The following SDCCAG8 variants were observed in gnomAD, a reference collection of about 807,000 sequenced individuals.
SDCCAG8 encodes SHH signaling and ciliogenesis regulator SDCCAG8, also known as serologically defined colon cancer antigen 8.
A neutral mutation model predicts 101.8 loss-of-function variants in SDCCAG8; 74 were observed. The observed-to-expected ratio is 0.73, with a 90% CI of 0.60 to 0.88. SDCCAG8 has a LOEUF of 0.88. Among genes scored for constraint, SDCCAG8 ranks in the 40% least tolerant of loss-of-function variants. The probability of loss-of-function intolerance (pLI) is 0.00; values close to 1 mark genes in which losing one functional copy is unlikely to be tolerated. For synonymous variants in SDCCAG8, 281 were observed against 292.9 expected (o/e 0.96, Z 0.41); for missense variants, 787 against 822.6 (o/e 0.96, Z 0.53).
chr1:243,259,810 G>T (rs943860666), intron 1 of SDCCAG8, among the ~76,000 whole-genome samples: 1 of 152,144 alleles, frequency 6.6e-6, no homozygotes, highest in African/African-American at 2.4e-5. Context: ...ACTCCAGCCT[G>T]GGTAACAAGA....
At chr1:243,314,403 C>T (rs2073050784) in intron 8 of SDCCAG8, among the ~76,000 whole-genome samples, 1 of 152,202 alleles carries the variant, frequency 6.6e-6, no homozygotes, top group African/African-American at 2.4e-5. Context: ...ACCAGAACGA[C>T]TGAACTCTAG....
At chr1:243,361,033 T>C (rs1005481156) in intron 12 of SDCCAG8, among the ~76,000 whole-genome samples, 6 of 152,152 alleles carry the variant, frequency 3.9e-5, no homozygotes, top group Admixed American at 3.3e-4. Flanking sequence ...TCATTTTCGT[T>C]TGGGCCTGTT....
At position 243,474,937 on chromosome 1, in the gene SDCCAG8, C is replaced by G. The variant is rs1039815478; in HGVS notation, c.1986-14077C>G. ...GTTTAGCAGTTGCTCTTTTCTGAAG[C>G]AGAAAATTATCTCTAGGGATGACTT... On this transcript the variant is annotated intron_variant, in intron 16 of 17. Transcript: ENST00000366541. The surrounding 1 kb of genome is among the most constrained non-coding windows in gnomAD (Gnocchi z 4.7). 5.3e-5 allele frequency among the ~76,000 whole-genome samples: 8 copies of G among 152,200 alleles called. No individual in the cohort carries two copies. Among genetic ancestry groups the G allele is most frequent in the African/African-American group, 1.9e-4 (8 of 41,452 alleles).
intron 16 of SDCCAG8, among the ~76,000 whole-genome samples, chr1:243,485,346 A>G (rs908687598): frequency 6.6e-6 from 1 of 152,238 alleles, no homozygotes; most frequent in Non-Finnish European, 1.5e-5. Flanking sequence ...TGAAATTTAC[A>G]TAGGTAATTG....
intron 11 of SDCCAG8, 32 bp from the exon 12 acceptor site, chr1:243,344,183 A>G: frequency 1.3e-6 from 2 of 1,542,570 alleles, no homozygotes; most frequent in Non-Finnish European, 1.8e-6. Context: ...AGATTCCAGC[A>G]GGTAATCATC....
intron 15 of SDCCAG8, among the ~76,000 whole-genome samples, chr1:243,419,767 G>T (rs1343577565): frequency 6.6e-6 from 1 of 152,180 alleles, no homozygotes. Context: ...TCAAGCCACA[G>T]TAGTTATGAT....
Position 243,486,617 on chromosome 1 carries a change from C to A in SDCCAG8, c.1986-2397C>A, listed in dbSNP as rs1024193213. ...TCGCTGAAGGTGGAGCCAGGGTGGC[C>A]GGCCGTGACCGGTGTTTATGCTGTG... is the stretch of plus-strand genomic sequence containing the variant. On this transcript the variant is annotated intron_variant, in intron 16 of 17. Coordinates refer to ENST00000366541, the MANE Select transcript of SDCCAG8 (RefSeq NM_006642.5). Among the ~76,000 whole-genome samples the A allele has an allele frequency of 5.3e-5, 8 of 152,368 alleles. No homozygotes were observed. The East Asian group carries it at 1.5e-3, about 29-fold the overall frequency.
At chr1:243,440,079 C>T (rs1168261871) in intron 16 of SDCCAG8, among the ~76,000 whole-genome samples, 1 of 152,142 alleles carries the variant, frequency 6.6e-6, no homozygotes, top group Admixed American at 6.5e-5. Flanking sequence ...GTTCTAGTGC[C>T]AGTCCCACCA....
intron 15 of SDCCAG8, 31 bp downstream of exon 15, chr1:243,418,107 C>A: frequency 6.9e-7 from 1 of 1,446,172 alleles, no homozygotes; most frequent in Non-Finnish European, 9.7e-7. Flanking sequence ...CTTTCAAGAG[C>A]ACTGTTTGTG....
At chr1:243,488,921 CTA>C in intron 16 of SDCCAG8, 91 bp from the exon 17 acceptor site, 1 of 1,588,466 alleles carries the variant, frequency 6.3e-7, no homozygotes, top group Non-Finnish European at 8.6e-7. Context: ...TCATGGTTCC[CTA>C]TCAGGGGCTT....
intron 1 of SDCCAG8, among the ~76,000 whole-genome samples, chr1:243,266,683 C>T (rs921250477): frequency 2.7e-5 from 4 of 150,024 alleles, no homozygotes; most frequent in Admixed American, 6.7e-5. Context: ...AGGCCAGGCA[C>T]GGTGGCTCAT....
chr1:243,325,283 A>G (rs939562513), intron 9 of SDCCAG8, among the ~76,000 whole-genome samples: 1 of 152,230 alleles, frequency 6.6e-6, no homozygotes, highest in Admixed American at 6.5e-5. Context: ...TTAGGAATCT[A>G]TAGCATTTTC....
intron 10 of SDCCAG8, among the ~76,000 whole-genome samples, chr1:243,331,616 T>C (rs1464315038): frequency 3.3e-5 from 5 of 152,182 alleles, no homozygotes; most frequent in African/African-American, 1.2e-4. Context: ...TTTTAAAAAT[T>C]GTGTCTGTCA....
intron 12 of SDCCAG8, among the ~76,000 whole-genome samples, chr1:243,366,053 A>G (rs1054736348): frequency 6.6e-6 from 1 of 152,102 alleles, no homozygotes; most frequent in Non-Finnish European, 1.5e-5. Flanking sequence ...TAACCTCATG[A>G]TGAGAATCTG....
Position 243,426,478 on chromosome 1 carries a change from G to A in SDCCAG8, c.1905G>A (p.Leu635=). 1 of 1,613,852 alleles carries A rather than the reference G, an allele frequency of 6.2e-7. No homozygotes were observed. Among genetic ancestry groups the A allele is most frequent in the Non-Finnish European group, 8.5e-7 (1 of 1,179,820 alleles). Residue 635 remains leucine, a synonymous_variant, in exon 16 of 18, where the codon TTG becomes TTA. Coordinates refer to ENST00000366541, the MANE Select transcript of SDCCAG8 (RefSeq NM_006642.5). ...AAAAAAGGTATACATATGATAAATTGGGAAAGTTACAGAGAAGAAATGAAG... is the reference window on the plus strand; with the variant it reads ...AAAAAAGGTATACATATGATAAATTAGGAAAGTTACAGAGAAGAAATGAAG... ...SQEKRYTYDK[L]GKLQRRNEEL...
At chr1:243,365,207 G>A (rs972970057) in intron 12 of SDCCAG8, among the ~76,000 whole-genome samples, 5 of 152,116 alleles carry the variant, frequency 3.3e-5, no homozygotes, top group Admixed American at 6.6e-5. Flanking sequence ...AAAGTGAGGC[G>A]ATAGATTAAG....
At chr1:243,336,896 A>T (rs1276335816) in intron 10 of SDCCAG8, among the ~76,000 whole-genome samples, 2 of 152,068 alleles carry the variant, frequency 1.3e-5, no homozygotes, top group African/African-American at 4.8e-5. Flanking sequence ...TCTGGATATT[A>T]GGCCTTTGTC....
chr1:243,348,622 A>C (rs900696194), intron 12 of SDCCAG8, among the ~76,000 whole-genome samples: 16 of 152,046 alleles, frequency 1.1e-4, no homozygotes, highest in Admixed American at 3.9e-4. Context: ...GAGGCAGTGG[A>C]AAGATGAGAC....
At chr1:243,372,188 T>C (rs970393871) in intron 12 of SDCCAG8, among the ~76,000 whole-genome samples, 6 of 152,152 alleles carry the variant, frequency 3.9e-5, no homozygotes, top group Non-Finnish European at 7.4e-5. Context: ...AATTCATCCA[T>C]TGGCTTCTGA....
Sources: allele counts gnomAD v4.1 joint callset (sites outside exome capture counted in the v4.1 genomes callset), GRCh38; gene constraint gnomAD v4.1.1; non-coding constraint Gnocchi (gnomAD v3.1); transcripts MANE v1.5; gene names NCBI Gene and HGNC (gene_info 2026-07-23, HGNC 2026-07-21).